Variants in PPM1H observed in about 807,000 individuals in gnomAD.
PPM1H encodes protein phosphatase, Mg2+/Mn2+ dependent 1H, also known as protein phosphatase 1H.
In PPM1H, 27 loss-of-function variants were observed where a neutral mutation model predicts 54.9. That is an observed-to-expected ratio of 0.49 (90% CI 0.36 to 0.68). The LOEUF is 0.68. PPM1H is among the 30% of genes least tolerant of loss of function. The pLI is 0.00. For synonymous variants in PPM1H, 305 were observed against 270.8 expected, an observed-to-expected ratio of 1.13 and a Z score of -1.24; for missense variants, 596 against 667.8, an observed-to-expected ratio of 0.89 and a Z score of 1.19.
At chr12:62,729,368 G>A (rs1217604774) in intron 5 of PPM1H, among the ~76,000 whole-genome samples, 1 of 152,232 alleles carries the variant, frequency 6.6e-6, no homozygotes, top group African/African-American at 2.4e-5. Context: ...AGAGAGTGGG[G>A]CAGAGAGGAG....
intron 4 of PPM1H, among the ~76,000 whole-genome samples, chr12:62,785,993 C>T (rs191848860): frequency 2.0e-5 from 3 of 152,260 alleles, no homozygotes; most frequent in South Asian, 4.1e-4. Flanking sequence ...AAGGCACTTC[C>T]CTGGGAGGTA....
At chr12:62,786,890 T>A (rs2076675087) in intron 4 of PPM1H, among the ~76,000 whole-genome samples, 1 of 152,238 alleles carries the variant, frequency 6.6e-6, no homozygotes, top group Non-Finnish European at 1.5e-5. Context: ...TTAGAACATG[T>A]AATTACATTT....
At chr12:62,824,081 T>G in intron 2 of PPM1H, among the ~76,000 whole-genome samples, 1 of 150,654 alleles carries the variant, frequency 6.6e-6, no homozygotes, top group Non-Finnish European at 1.5e-5. Flanking sequence ...TGTACAAAAA[T>G]CACAAGCATT....
chr12:62,693,905 C>A (rs1258533188), intron 7 of PPM1H, 31 bp downstream of exon 7: 1 of 1,595,464 alleles, frequency 6.3e-7, no homozygotes, highest in Admixed American at 1.7e-5. Context: ...GAGCCCTGTC[C>A]TCTCTACCCA....
At chr12:62,839,476 A>C (rs1273692169) in intron 1 of PPM1H, among the ~76,000 whole-genome samples, 1 of 151,932 alleles carries the variant, frequency 6.6e-6, no homozygotes, top group African/African-American at 2.4e-5. Context: ...CACACATCAC[A>C]CTCTTGAATG....
intron 4 of PPM1H, among the ~76,000 whole-genome samples, chr12:62,742,671 T>G (rs1046680210): frequency 1.3e-5 from 2 of 152,242 alleles, no homozygotes; most frequent in Non-Finnish European, 2.9e-5. Context: ...ATGCCGTGGC[T>G]GCGAGGGTGC....
chr12:62,723,955 C>T (rs1016412397), intron 5 of PPM1H, among the ~76,000 whole-genome samples: 5 of 152,132 alleles, frequency 3.3e-5, no homozygotes, highest in African/African-American at 1.2e-4. Flanking sequence ...TACTCCTCCT[C>T]TAAAGCAAGC....
intron 4 of PPM1H, among the ~76,000 whole-genome samples, chr12:62,777,067 A>T (rs1036034990): frequency 6.6e-6 from 1 of 152,214 alleles, no homozygotes; most frequent in Non-Finnish European, 1.5e-5. Context: ...CCAAGTGCCA[A>T]ACATTGAAGC....
chr12:62,934,714 G>A lies in PPM1H; in HGVS notation c.23C>T (p.Ala8Val). The A allele has an allele frequency of 6.2e-7, 1 of 1,604,570 alleles. No individual in the cohort carries two copies. The highest frequency in any genetic ancestry group is 8.5e-7 in the Non-Finnish European group (1 of 1,174,948). Residue 8 changes from alanine (A) to valine (V), a missense_variant, in exon 1 of 10, where the codon GCC becomes GTC. Ala to Val is a moderately conservative substitution (Grantham distance 64). Around this residue, in one of 3 missense-constraint regions of PPM1H, gnomAD observed 382 missense variants for 387.1 expected, o/e 0.99. Coordinates refer to ENST00000228705, the MANE Select transcript of PPM1H (RefSeq NM_020700.2). The surrounding 1 kb of genome is among the most constrained non-coding windows in gnomAD (Gnocchi z 4.2). Reference sequence around the variant, plus strand: ...GATGCCGCCCATGAAATTGGCCACGGCAGATTTCACTCGAGTGAGCATATT... The same window carrying A: ...GATGCCGCCCATGAAATTGGCCACGACAGATTTCACTCGAGTGAGCATATT... MLTRVKS[A>V]VANFMGGIMA... is the part of the protein sequence containing the mutation.
chr12:62,894,148 A>G (rs1461723187), intron 1 of PPM1H, among the ~76,000 whole-genome samples: 1 of 152,150 alleles, frequency 6.6e-6, no homozygotes, highest in African/African-American at 2.4e-5. Context: ...CCCCATCAAA[A>G]CTGCAGGCTC....
chr12:62,818,449 CT>C (rs1325554613), intron 2 of PPM1H, among the ~76,000 whole-genome samples: 1 of 150,836 alleles, frequency 6.6e-6, no homozygotes, highest in Non-Finnish European at 1.5e-5. Flanking sequence ...ATTAAAAAGC[CT>C]TCTGTGGGAA....
At chr12:62,905,158 T>G (rs1871268541) in intron 1 of PPM1H, among the ~76,000 whole-genome samples, 1 of 152,182 alleles carries the variant, frequency 6.6e-6, no homozygotes, top group Admixed American at 6.5e-5. Flanking sequence ...TGAGACAGTA[T>G]TGGTAGAGAG....
At chr12:62,755,495 G>A in intron 4 of PPM1H, 1 of 674,060 alleles carries the variant, frequency 1.5e-6, no homozygotes, top group South Asian at 1.5e-5. Flanking sequence ...GGCAATGCTG[G>A]TGCTGAGTAT....
chr12:62,881,279 A>G (rs1290713111), intron 1 of PPM1H, among the ~76,000 whole-genome samples: 1 of 152,158 alleles, frequency 6.6e-6, no homozygotes, highest in African/African-American at 2.4e-5. Flanking sequence ...CAAATATGCA[A>G]TCCAACATGA....
At chr12:62,801,703 G>T in intron 3 of PPM1H, 113 bp downstream of exon 3, 1 of 1,177,614 alleles carries the variant, frequency 8.5e-7, no homozygotes, top group Non-Finnish European at 1.2e-6. Flanking sequence ...GGCCGTCCAG[G>T]TGGAGCCAGG....
At chr12:62,931,204 A>T (rs541676363) in intron 1 of PPM1H, among the ~76,000 whole-genome samples, 111 of 152,274 alleles carry the variant, frequency 7.3e-4, no homozygotes, top group African/African-American at 2.4e-3. Flanking sequence ...TTGGAACGTG[A>T]CTCACTTTCT....
rs180724113 is a variant in PPM1H at position 62,777,229 on chromosome 12, T to C, written c.869+10997A>G. On this transcript the variant is annotated intron_variant, in intron 4 of 9. Transcript: ENST00000228705. ...TGCGGCCAAAGAACATGATTACAAA[T>C]GTGTGCCTTTAACCCAAGGCAGCCT... Among the ~76,000 whole-genome samples the C allele has an allele frequency of 2.2e-4, 33 of 152,356 alleles. 2 individuals carry two copies. In the East Asian group the frequency reaches 5.8e-3, roughly 27 times the overall value.
Position 62,735,133 on chromosome 12 carries a change from T to A in PPM1H, c.954+2369A>T, listed in dbSNP as rs371408. On this transcript the variant is annotated intron_variant, in intron 5 of 9. Coordinates refer to ENST00000228705, the MANE Select transcript of PPM1H (RefSeq NM_020700.2). ...GGCTTCATACCCTGCTGTGAAATGT[T>A]TGGGCGGAGGGCAGAAGAGAAAGGA... 1.6e-4 allele frequency among the ~76,000 whole-genome samples: 24 copies of A among 152,286 alleles called. No individual in the cohort carries two copies. In the South Asian group the frequency reaches 3.9e-3, roughly 25 times the overall value.
intron 3 of PPM1H, among the ~76,000 whole-genome samples, chr12:62,794,396 A>G (rs1237326610): frequency 6.6e-6 from 1 of 152,122 alleles, no homozygotes; most frequent in Non-Finnish European, 1.5e-5. Context: ...CAATGTCACC[A>G]TGTATTTATA....
Sources: allele counts gnomAD v4.1 joint callset (sites outside exome capture counted in the v4.1 genomes callset), GRCh38; gene constraint gnomAD v4.1.1; regional missense constraint gnomAD v4.1.1; non-coding constraint Gnocchi (gnomAD v3.1); transcripts MANE v1.5; gene names NCBI Gene and HGNC (gene_info 2026-07-23, HGNC 2026-07-21).